SIRT5: variants seen among roughly 807,000 people sequenced by gnomAD.
SIRT5 encodes NAD-dependent protein deacylase sirtuin-5, mitochondrial.
Under a neutral mutation model 40.0 loss-of-function variants are expected in SIRT5, and 26 were observed. The ratio of observed to expected loss-of-function variants is 0.65; its 90% CI spans 0.48 to 0.90. The LOEUF (loss-of-function observed/expected upper bound fraction) is 0.90. Ranked by LOEUF, SIRT5 falls within the 40% of genes least tolerant of loss-of-function variation. The pLI, the probability that SIRT5 is intolerant of heterozygous loss-of-function variation, is 0.00. For synonymous variants in SIRT5, 146 were observed against 149.1 expected (o/e 0.98, Z 0.15); for missense variants, 401 against 402.4 (o/e 1.00, Z 0.03).
intron 9 of SIRT5, chr6:13,605,184 C>G: frequency 1.0e-6 from 1 of 985,384 alleles, no homozygotes; most frequent in Non-Finnish European, 1.2e-6. Context: ...GGTCAGCAAA[C>G]TACTGCCTGT....
At chr6:13,591,306 G>A (rs896225959) in intron 4 of SIRT5, among the ~76,000 whole-genome samples, 8 of 151,998 alleles carry the variant, frequency 5.3e-5, no homozygotes, top group Non-Finnish European at 1.0e-4. Context: ...GATCCACTTC[G>A]TGTGTTTTAG....
chr6:13,581,837 G>A (rs1759377244), intron 2 of SIRT5, among the ~76,000 whole-genome samples: 1 of 152,132 alleles, frequency 6.6e-6, no homozygotes. Flanking sequence ...CGTCTGAACT[G>A]GGACCGAAAC....
In SIRT5 at chr6:13,598,388, A is replaced by G. The variant is rs570602719; in HGVS notation, c.618-644A>G. Among the ~76,000 whole-genome samples, 14 of 152,210 alleles carry G rather than the reference A, an allele frequency of 9.2e-5. 1 individual carries two copies. The highest frequency in any genetic ancestry group is 7.8e-4 in the Admixed American group (12 of 15,292). ...AGGAGGTCATTGATGAAATTAGGGG[A>G]TGCTTGGGGTGGGAGGCAAATCTGA... On this transcript the variant is annotated intron_variant, in intron 7 of 9. Coordinates refer to ENST00000606117, the MANE Select transcript of SIRT5 (RefSeq NM_012241.5).
intron 4 of SIRT5, among the ~76,000 whole-genome samples, chr6:13,590,532 GGTGT>G (rs1472173078): frequency 6.7e-6 from 1 of 148,568 alleles, no homozygotes; most frequent in Non-Finnish European, 1.5e-5. Flanking sequence ...TTTGTGTGTA[GGTGT>G]GTGTATGTAG....
intron 4 of SIRT5, among the ~76,000 whole-genome samples, chr6:13,591,455 C>A (rs1760889397): frequency 6.6e-6 from 1 of 152,240 alleles, no homozygotes; most frequent in Non-Finnish European, 1.5e-5. Context: ...CTGATTTCTC[C>A]AAGGTCCCTG....
intron 4 of SIRT5, among the ~76,000 whole-genome samples, chr6:13,589,798 T>C (rs1003547995): frequency 1.3e-5 from 2 of 151,782 alleles, no homozygotes; most frequent in African/African-American, 4.8e-5. Flanking sequence ...GGGTGGGAGG[T>C]CAGAGGGTGC....
In SIRT5 at chr6:13,591,693, G is replaced by GC; in HGVS notation, c.277dup (p.His93ProfsTer33). The GC allele has an allele frequency of 6.3e-7, 1 of 1,597,028 alleles. No individual in the cohort carries two copies. Among genetic ancestry groups the GC allele is most frequent in the Non-Finnish European group, 8.6e-7 (1 of 1,168,482 alleles). On this transcript the variant is annotated frameshift_variant, in exon 5 of 10. Coordinates refer to ENST00000606117, the MANE Select transcript of SIRT5 (RefSeq NM_012241.5). LOFTEE classifies it high-confidence loss of function. ...GGACCTGGCGACTCCCCTGGCCTTT[G>GC]CCCACAACCCGTCCCGGGTGTGGGA... is the stretch of plus-strand genomic sequence containing the variant.
intron 3 of SIRT5, among the ~76,000 whole-genome samples, chr6:13,586,198 G>T (rs1760060917): frequency 6.6e-6 from 1 of 152,194 alleles, no homozygotes; most frequent in Non-Finnish European, 1.5e-5. Flanking sequence ...TAGGTTGCCT[G>T]TTTACTCCGA....
At chr6:13,586,207 G>A (rs1760063194) in intron 3 of SIRT5, among the ~76,000 whole-genome samples, 1 of 152,186 alleles carries the variant, frequency 6.6e-6, no homozygotes, top group South Asian at 2.1e-4. Flanking sequence ...TGTTTACTCC[G>A]ATGATAGTTT....
intron 5 of SIRT5, among the ~76,000 whole-genome samples, chr6:13,592,489 C>T (rs1208648149): frequency 6.6e-6 from 1 of 152,174 alleles, no homozygotes. Flanking sequence ...TGCTTCTGCC[C>T]CGCCCTGGAG....
rs555547534 is a variant in SIRT5 at position 13,577,805 on chromosome 6, T to G, written c.-194-1646T>G. On this transcript the variant is annotated intron_variant, in intron 1 of 9. Coordinates refer to ENST00000606117, the MANE Select transcript of SIRT5 (RefSeq NM_012241.5). ...TTCTTCCCTTCCTATTTGGATGACT[T>G]ACTTCCTTTCCTTGCATAATTGCTC... Among the ~76,000 whole-genome samples, 4 of 151,740 alleles carry G rather than the reference T, an allele frequency of 2.6e-5. No individual in the cohort carries two copies. In the East Asian group the frequency reaches 5.8e-4, roughly 22 times the overall value.
chr6:13,602,779 C>T (rs767138121), intron 9 of SIRT5, among the ~76,000 whole-genome samples: 9 of 152,014 alleles, frequency 5.9e-5, no homozygotes, highest in Non-Finnish European at 1.0e-4. Flanking sequence ...CAAAAAATAA[C>T]CCAAAATGGA....
rs138471011 is a variant in SIRT5, at chr6:13,590,218, G to A, written c.250-1451G>A. 1.7e-3 allele frequency among the ~76,000 whole-genome samples: 255 copies of A among 152,168 alleles called. 1 individual carries two copies. Among genetic ancestry groups the A allele is most frequent in the Middle Eastern group, 6.8e-3 (2 of 294 alleles). ...AGTTTTAACAGGTGCATGCAACTGCGTAACACCCCCACCTCCACTATCAAG... is the reference window on the plus strand; with the variant it reads ...AGTTTTAACAGGTGCATGCAACTGCATAACACCCCCACCTCCACTATCAAG... On this transcript the variant is annotated intron_variant, in intron 4 of 9. Transcript: ENST00000606117.
chr6:13,611,976 C>G lies in SIRT5; in HGVS notation c.*111C>G, dbSNP rs548447875. 2.0e-6 allele frequency: 2 copies of G among 983,414 alleles called. No individual in the cohort carries two copies. Among genetic ancestry groups the G allele is most frequent in the South Asian group, 3.3e-5 (2 of 60,180 alleles). The allele number at this position is 983,414 out of a possible 1,614,324, so 60.9% of individuals were successfully genotyped here. ...GTACTGAACAATCTAAAAATAGCCT[C>G]TGATTCCCTCGCTGGAATCCAACCT... On this transcript the variant is annotated 3_prime_UTR_variant, in exon 10 of 10. Coordinates refer to ENST00000606117, the MANE Select transcript of SIRT5 (RefSeq NM_012241.5).
intron 1 of SIRT5, among the ~76,000 whole-genome samples, chr6:13,575,756 C>G (rs892296748): frequency 6.6e-6 from 1 of 152,140 alleles, no homozygotes; most frequent in Non-Finnish European, 1.5e-5. Flanking sequence ...AAAACTTACT[C>G]CTCTTACCTA....
chr6:13,588,252 T>C (rs1291056638), intron 3 of SIRT5, 79 bp from the exon 4 acceptor site: 1 of 1,527,376 alleles, frequency 6.5e-7, no homozygotes, highest in Non-Finnish European at 8.8e-7. Context: ...CTAGGTCAAG[T>C]TTCAAGATAC....
At position 13,591,769 on chromosome 6, in the gene SIRT5, G is replaced by A; in HGVS notation, c.350G>A (p.Gly117Glu). 1.2e-6 allele frequency: 2 copies of A among 1,613,854 alleles called. No individual in the cohort carries two copies. Among genetic ancestry groups the A allele is most frequent in the Non-Finnish European group, 1.7e-6 (2 of 1,179,846 alleles). Reference protein sequence around the residue: ...EVMGSKEPNAGHRAIAECETR... With the variant: ...EVMGSKEPNAEHRAIAECETR... ...ATGGGGAGCAAGGAGCCCAACGCCG[G>A]GCACCGCGCCATAGCCGAGTGTGAG... The change falls in exon 5 of 10, where the codon GGG (glycine) becomes GAG (glutamate). Residue 117 changes from glycine (G) to glutamate (E), a missense_variant. Physicochemically the swap from Gly to Glu is moderately conservative, Grantham distance 98. Coordinates refer to ENST00000606117, the MANE Select transcript of SIRT5 (RefSeq NM_012241.5).
intron 6 of SIRT5, among the ~76,000 whole-genome samples, chr6:13,596,422 C>G (rs1162653495): frequency 6.6e-6 from 1 of 152,054 alleles, no homozygotes; most frequent in African/African-American, 2.4e-5. Flanking sequence ...GAAGTTCCCC[C>G]TTGGCACACC....
chr6:13,602,389 A>G (rs186570560), intron 9 of SIRT5, among the ~76,000 whole-genome samples: 2 of 152,208 alleles, frequency 1.3e-5, no homozygotes, highest in East Asian at 3.9e-4. Flanking sequence ...AATCCCAGCT[A>G]CTTGGGAGGC....
Sources: allele counts gnomAD v4.1 joint callset (sites outside exome capture counted in the v4.1 genomes callset), GRCh38; gene constraint gnomAD v4.1.1; transcripts MANE v1.5; gene names NCBI Gene and HGNC (gene_info 2026-07-23, HGNC 2026-07-21).